CPQ: variants seen among roughly 807,000 people sequenced by gnomAD.
CPQ encodes the protein carboxypeptidase Q, also known as Ser-Met dipeptidase.
Under a neutral mutation model 45.7 loss-of-function variants are expected in CPQ, and 37 were observed. That is an observed-to-expected ratio of 0.81 (90% CI 0.62 to 1.07). The LOEUF is 1.07. Among genes scored for constraint, CPQ ranks in the 50% least tolerant of loss-of-function variants. The pLI is 0.00. For synonymous variants in CPQ, 186 were observed against 205.8 expected, an observed-to-expected ratio of 0.90 and a Z score of 0.82; for missense variants, 537 against 572.9, an observed-to-expected ratio of 0.94 and a Z score of 0.64.
intron 1 of CPQ, among the ~76,000 whole-genome samples, chr8:96,735,615 C>T (rs1250151855): frequency 6.6e-6 from 1 of 152,168 alleles, no homozygotes; most frequent in Admixed American, 6.5e-5. Flanking sequence ...GGCTGTTATT[C>T]TGTCTTCTTG....
intron 1 of CPQ, among the ~76,000 whole-genome samples, chr8:96,781,049 T>A (rs183423927): frequency 1.5e-4 from 23 of 152,312 alleles, no homozygotes; most frequent in African/African-American, 5.5e-4. Flanking sequence ...TTTAGTAGTT[T>A]ATGATTGTGC....
At chr8:96,968,757 T>A (rs1249995042) in intron 5 of CPQ, among the ~76,000 whole-genome samples, 1 of 152,228 alleles carries the variant, frequency 6.6e-6, no homozygotes, top group Non-Finnish European at 1.5e-5. Flanking sequence ...GGTATCTTCT[T>A]CTTTGTCTTC....
At chr8:96,758,848 C>T (rs190033094) in intron 1 of CPQ, among the ~76,000 whole-genome samples, 255 of 152,258 alleles carry the variant, frequency 1.7e-3, no homozygotes, top group Non-Finnish European at 3.1e-3. Flanking sequence ...CTTCCTATTG[C>T]CTCCAGATTG....
intron 4 of CPQ, among the ~76,000 whole-genome samples, chr8:96,953,576 C>T (rs1813304397): frequency 6.6e-6 from 1 of 152,010 alleles, no homozygotes; most frequent in Non-Finnish European, 1.5e-5. Flanking sequence ...CTTTTCTGAC[C>T]ACTGTCTCTT....
chr8:96,757,133 A>T (rs1484967605), intron 1 of CPQ, among the ~76,000 whole-genome samples: 1 of 152,022 alleles, frequency 6.6e-6, no homozygotes, highest in Non-Finnish European at 1.5e-5. Flanking sequence ...AGATCACTTG[A>T]GATCAGGAGT....
intron 1 of CPQ, among the ~76,000 whole-genome samples, chr8:96,781,067 A>G (rs1401461676): frequency 1.3e-5 from 2 of 152,074 alleles, no homozygotes; most frequent in African/African-American, 4.8e-5. Flanking sequence ...TGCTTCTCAT[A>G]TTATCTGTGG....
At chr8:97,133,233 T>C (rs75037803) in intron 7 of CPQ, 234 of 152,312 alleles carry the variant, frequency 1.5e-3, no homozygotes, top group African/African-American at 5.3e-3. Flanking sequence ...TAAATACATA[T>C]ATGTAATTTA....
intron 5 of CPQ, among the ~76,000 whole-genome samples, chr8:97,012,488 T>G (rs1809506042): frequency 6.6e-6 from 1 of 152,182 alleles, no homozygotes; most frequent in African/African-American, 2.4e-5. Flanking sequence ...GTGCTGAGAA[T>G]GGAGGCATAG....
chr8:96,929,954 G>T (rs930101490), intron 4 of CPQ, among the ~76,000 whole-genome samples: 1 of 151,574 alleles, frequency 6.6e-6, no homozygotes, highest in Non-Finnish European at 1.5e-5. Context: ...CTTGGGTGAG[G>T]TATAATAAGA....
chr8:96,672,169 A>G (rs1809012856), intron 1 of CPQ, among the ~76,000 whole-genome samples: 2 of 152,316 alleles, frequency 1.3e-5, no homozygotes, highest in African/African-American at 4.8e-5. Flanking sequence ...TTGTTGTTCT[A>G]GAGATCATAA....
chr8:97,021,621 A>G (rs1304442193), intron 5 of CPQ, among the ~76,000 whole-genome samples: 1 of 152,152 alleles, frequency 6.6e-6, no homozygotes, highest in Non-Finnish European at 1.5e-5. Flanking sequence ...AGCTGCAAAA[A>G]GATAATATAA....
chr8:96,779,134 G>A (rs901952950), intron 1 of CPQ, among the ~76,000 whole-genome samples: 2 of 151,328 alleles, frequency 1.3e-5, no homozygotes, highest in Non-Finnish European at 2.9e-5. Context: ...GTCTGACTTA[G>A]GCAATGTTAT....
At position 96,926,610 on chromosome 8, in the gene CPQ, T is replaced by TCTTCTTCTTCTTCTC. The variant is rs1263403782; in HGVS notation, c.850-39322_850-39308dup. ...TTCTTCTTCTTCTTCTTCTTCTTCT[T>TCTTCTTCTTCTTCTC]CTTCTTCTTCTTCTCCTCCTTCTCC... On this transcript the variant is annotated intron_variant, in intron 4 of 7. Transcript: ENST00000220763. 2.0e-5 allele frequency among the ~76,000 whole-genome samples: 3 copies of TCTTCTTCTTCTTCTC among 148,862 alleles called. No individual in the cohort carries two copies. In the East Asian group the frequency reaches 5.9e-4, roughly 29 times the overall value.
At chr8:97,118,747 G>GA (rs1187083283) in intron 7 of CPQ, among the ~76,000 whole-genome samples, 22 of 151,880 alleles carry the variant, frequency 1.4e-4, no homozygotes, top group Admixed American at 1.4e-3. Flanking sequence ...GTTTTTCAAA[G>GA]AAAAAAATTG....
chr8:96,665,487 G>T (rs1808908407), intron 1 of CPQ, among the ~76,000 whole-genome samples: 1 of 152,184 alleles, frequency 6.6e-6, no homozygotes, highest in Non-Finnish European at 1.5e-5. Flanking sequence ...GGACAATTAT[G>T]GTTTCCTTAA....
chr8:96,769,626 A>ATTTTT (rs34672966), intron 1 of CPQ, among the ~76,000 whole-genome samples: 4 of 112,658 alleles, frequency 3.6e-5, no homozygotes, highest in African/African-American at 1.0e-4. Flanking sequence ...TGTTTACTGG[A>ATTTTT]TTTTTTTTTT....
At chr8:96,970,715 T>C (rs968622616) in intron 5 of CPQ, among the ~76,000 whole-genome samples, 3 of 151,976 alleles carry the variant, frequency 2.0e-5, no homozygotes, top group East Asian at 3.9e-4. Flanking sequence ...AGGCGCCCGC[T>C]ACCACGCCCG....
intron 5 of CPQ, among the ~76,000 whole-genome samples, chr8:96,970,764 C>T (rs1246358337): frequency 1.3e-5 from 2 of 152,078 alleles, no homozygotes; most frequent in South Asian, 2.1e-4. Context: ...GGGGTTTCAC[C>T]GTGTTAGCCA....
chr8:96,962,330 G>A lies in CPQ; in HGVS notation c.850-3605G>A, dbSNP rs185505319. Among the ~76,000 whole-genome samples, 11 of 152,292 alleles carry A rather than the reference G, an allele frequency of 7.2e-5. No homozygotes were observed. In the East Asian group the frequency reaches 1.9e-3, roughly 27 times the overall value. On this transcript the variant is annotated intron_variant, in intron 4 of 7. Transcript: ENST00000220763. ...CTATACTGCATTTGGAAAAGATGAT[G>A]GTGAAAAGGAAGTTGGGGGAAAGGA...
Sources: gnomAD v4.1 joint callset for allele counts (sites outside exome capture counted in the v4.1 genomes callset) on GRCh38, gnomAD v4.1.1 for gene constraint, MANE v1.5 for transcripts, NCBI Gene and HGNC (gene_info 2026-07-23, HGNC 2026-07-21) for gene names.